The following TAX1BP1 variants were observed in gnomAD, a reference collection of about 807,000 sequenced individuals.
The protein encoded by TAX1BP1 is Tax1 binding protein 1.
A neutral mutation model predicts 97.7 loss-of-function variants in TAX1BP1; 62 were observed. The ratio of observed to expected loss-of-function variants is 0.63; its 90% CI spans 0.52 to 0.78. TAX1BP1 has a LOEUF of 0.78. Ranked by LOEUF, TAX1BP1 falls within the 30% of genes least tolerant of loss-of-function variation. TAX1BP1 has a pLI of 0.00. For missense variants in TAX1BP1, 867 were observed against 916.1 expected (o/e 0.95, Z 0.69); for synonymous variants, 340 against 304.2 (o/e 1.12, Z -1.23).
intron 3 of TAX1BP1, among the ~76,000 whole-genome samples, chr7:27,761,552 C>T (rs1348682112): frequency 6.6e-6 from 1 of 152,142 alleles, no homozygotes; most frequent in African/African-American, 2.4e-5. Context: ...ACAGTTTTGC[C>T]GTAAAATGTC....
At chr7:27,799,821 A>G (rs997337638) in intron 12 of TAX1BP1, 144 bp from the exon 13 acceptor site, 2 of 485,266 alleles carry the variant, frequency 4.1e-6, no homozygotes, top group African/African-American at 2.0e-5. Context: ...CCAATTGTCT[A>G]TTAATAGACA....
chr7:27,769,638 A>G (rs1788769794), intron 4 of TAX1BP1, 38 bp from the exon 5 acceptor site: 1 of 1,516,596 alleles, frequency 6.6e-7, no homozygotes, highest in Non-Finnish European at 8.9e-7. Context: ...TTTAGGATTA[A>G]GCAAAAAACT....
rs548616118 is a variant in TAX1BP1, at chr7:27,780,258, C to T, written c.613-4905C>T. 3.3e-5 allele frequency among the ~76,000 whole-genome samples: 5 copies of T among 152,184 alleles called. No homozygotes were observed. In the South Asian group the frequency reaches 1.0e-3, roughly 32 times the overall value. On this transcript the variant is annotated intron_variant, in intron 5 of 16. Coordinates refer to ENST00000396319, the MANE Select transcript of TAX1BP1 (RefSeq NM_006024.7). ...CAAGAGTAGATAAAAATCAAATTAC[C>T]AAAATTTCAGTACCTCAATTATTAA... is the stretch of plus-strand genomic sequence containing the variant.
At chr7:27,813,469 C>T (rs571448130) in intron 13 of TAX1BP1, among the ~76,000 whole-genome samples, 1 of 152,088 alleles carries the variant, frequency 6.6e-6, no homozygotes, top group East Asian at 1.9e-4. Flanking sequence ...ATCCTCCCAC[C>T]TCAGGTTTCT....
intron 15 of TAX1BP1, among the ~76,000 whole-genome samples, chr7:27,822,364 T>C (rs548977583): frequency 6.6e-6 from 1 of 152,330 alleles, no homozygotes; most frequent in South Asian, 2.1e-4. Context: ...TCAGTTCCAC[T>C]AGCAACTGCT....
Position 27,798,307 on chromosome 7 carries a change from G to T in TAX1BP1, c.1639-1658G>T, listed in dbSNP as rs372776700. Among the ~76,000 whole-genome samples, 873 of 150,592 alleles carry T rather than the reference G, an allele frequency of 5.8e-3. 6 individuals are homozygous for T. Among genetic ancestry groups the T allele is most frequent in the Middle Eastern group, 0.02 (6 of 294 alleles). ...TGTTTATGGACATATGTTTTTTTTT[G>T]TTTCTTTTGGGTAAATATCTAGGGG... On this transcript the variant is annotated intron_variant, in intron 12 of 16. Coordinates refer to ENST00000396319, the MANE Select transcript of TAX1BP1 (RefSeq NM_006024.7).
At chr7:27,821,737 G>A (rs1324163148) in intron 15 of TAX1BP1, among the ~76,000 whole-genome samples, 1 of 151,476 alleles carries the variant, frequency 6.6e-6, no homozygotes, top group East Asian at 1.9e-4. Context: ...GGTTTTTAAT[G>A]TATTCACAGA....
intron 8 of TAX1BP1, among the ~76,000 whole-genome samples, chr7:27,788,268 A>G (rs528227876): frequency 1.3e-4 from 20 of 152,194 alleles, no homozygotes; most frequent in South Asian, 1.2e-3. Context: ...CAAAAGTTAT[A>G]TAATGTCAAT....
chr7:27,816,969 T>C lies in TAX1BP1; in HGVS notation c.2016T>C (p.Asn672=), dbSNP rs765977546. 11 of 1,613,978 alleles carry C rather than the reference T, an allele frequency of 6.8e-6. No individual in the cohort carries two copies. Among genetic ancestry groups the C allele is most frequent in the Non-Finnish European group, 7.6e-6 (9 of 1,179,990 alleles). Residue 672 remains asparagine, a synonymous_variant, in exon 15 of 17, where the codon AAT becomes AAC. Transcript: ENST00000396319. ...TCCCCTCTTGGGGACTGGAAGACAATGTTGTCTGCAGCCAGCCTGCTCGAA... is the reference window on the plus strand; with the variant it reads ...TCCCCTCTTGGGGACTGGAAGACAACGTTGTCTGCAGCCAGCCTGCTCGAA... The part of the protein sequence containing the change: ...VRVPSWGLED[N]VVCSQPARNF...
chr7:27,828,534 C>G, intron 16 of TAX1BP1, 94 bp from the exon 17 acceptor site: 1 of 1,185,046 alleles, frequency 8.4e-7, no homozygotes, highest in Non-Finnish European at 1.2e-6. Flanking sequence ...GTATGAATAT[C>G]AGCTAACTAG....
At chr7:27,751,444 C>G (rs1272126671) in intron 2 of TAX1BP1, among the ~76,000 whole-genome samples, 3 of 152,012 alleles carry the variant, frequency 2.0e-5, no homozygotes, top group Non-Finnish European at 4.4e-5. Flanking sequence ...TACACACATA[C>G]TACTGATGCA....
intron 13 of TAX1BP1, among the ~76,000 whole-genome samples, chr7:27,805,547 A>G (rs1204474141): frequency 3.3e-5 from 5 of 152,180 alleles, no homozygotes; most frequent in African/African-American, 4.8e-5. Context: ...TTAGAAATGC[A>G]TATGCTTTGC....
At chr7:27,785,514 T>G (rs561524779) in intron 7 of TAX1BP1, 25 bp downstream of exon 7, 2 of 1,567,268 alleles carry the variant, frequency 1.3e-6, no homozygotes, top group Non-Finnish European at 1.7e-6. Flanking sequence ...ACCATATCTA[T>G]TGCCTGTTGC....
chr7:27,774,473 A>G (rs1788953580), intron 5 of TAX1BP1, among the ~76,000 whole-genome samples: 1 of 152,104 alleles, frequency 6.6e-6, no homozygotes, highest in African/African-American at 2.4e-5. Context: ...ATACAAGTAT[A>G]GTATGTCTCT....
Position 27,800,001 on chromosome 7 carries a change from C to T in TAX1BP1, c.1675C>T (p.Leu559Phe). 3 of 1,602,378 alleles carry T rather than the reference C, an allele frequency of 1.9e-6. No homozygotes were observed. The highest frequency in any genetic ancestry group is 2.3e-5 in the East Asian group (1 of 44,240). The change falls in exon 13 of 17, where the codon CTT becomes TTT. Residue 559 changes from leucine to phenylalanine, a missense_variant. Leu to Phe is a conservative substitution (Grantham distance 22, BLOSUM62 0). Transcript: ENST00000396319. ...AAAATGCAATAAATATGCTGATGAACTTGCAAAAATGGAGCTGAAATGGAA... is the reference window on the plus strand; with the variant it reads ...AAAATGCAATAAATATGCTGATGAATTTGCAAAAATGGAGCTGAAATGGAA... ...KAKCNKYADE[L>F]AKMELKWKEQ...
intron 5 of TAX1BP1, among the ~76,000 whole-genome samples, chr7:27,780,132 C>T (rs1374639489): frequency 6.6e-6 from 1 of 152,074 alleles, no homozygotes; most frequent in Non-Finnish European, 1.5e-5. Flanking sequence ...ATATAGTAGT[C>T]TTTGAATTTA....
intron 15 of TAX1BP1, among the ~76,000 whole-genome samples, chr7:27,824,697 C>T (rs1427445615): frequency 3.9e-5 from 6 of 151,924 alleles, no homozygotes; most frequent in African/African-American, 1.5e-4. Flanking sequence ...GTCAGTTTAT[C>T]GTAGCTTGTT....
chr7:27,740,025 G>A (rs765495707), upstream of TAX1BP1: 9 of 152,286 alleles, frequency 5.9e-5, no homozygotes, highest in South Asian at 4.1e-4. Context: ...CCCGCGGGAT[G>A]AGGCGTCCCG....
intron 1 of TAX1BP1, among the ~76,000 whole-genome samples, chr7:27,742,323 T>C (rs931495779): frequency 6.6e-6 from 1 of 152,186 alleles, no homozygotes; most frequent in African/African-American, 2.4e-5. Context: ...CCCTGCAGGC[T>C]TCCACAGTTT....
Sources: allele counts gnomAD v4.1 joint callset (sites outside exome capture counted in the v4.1 genomes callset), GRCh38; gene constraint gnomAD v4.1.1; transcripts MANE v1.5; gene names NCBI Gene and HGNC (gene_info 2026-07-23, HGNC 2026-07-21).